Variants in TLE4 observed in about 807,000 individuals in gnomAD.
TLE4 encodes the protein TLE family member 4, transcriptional corepressor.
A neutral mutation model predicts 92.8 loss-of-function variants in TLE4; 8 were observed. The ratio of observed to expected loss-of-function variants is 0.09; its 90% CI spans 0.05 to 0.16. TLE4 has a LOEUF of 0.16. Ranked by LOEUF, TLE4 falls within the 10% of genes least tolerant of loss-of-function variation. The probability of loss-of-function intolerance (pLI) is 1.00; values close to 1 mark genes in which losing one functional copy is unlikely to be tolerated. For synonymous variants in TLE4, 371 were observed against 374.1 expected (o/e 0.99, Z 0.10); for missense variants, 675 against 997.6 (o/e 0.68, Z 4.36).
chr9:79,721,921 C>T lies in TLE4; in HGVS notation c.1986+33C>T, dbSNP rs114827254. The T allele has an allele frequency of 1.7e-3, 2,736 of 1,593,820 alleles. 55 individuals carry two copies. The African/African-American group carries it at 0.032, about 18-fold the overall frequency. On this transcript the variant is annotated intron_variant, in intron 17 of 19. Coordinates refer to ENST00000376552, the MANE Select transcript of TLE4 (RefSeq NM_007005.6). The stretch of plus-strand genomic sequence containing the variant: ...CCGTGGCTGAGGCATTTTAAAGATA[C>T]GGTTTTAGGCTGAGGTGGGCGGATC...
chr9:79,718,533 A>G (rs1005406899), intron 14 of TLE4, among the ~76,000 whole-genome samples, 189 bp from the exon 15 acceptor site: 7 of 152,206 alleles, frequency 4.6e-5, no homozygotes, highest in Admixed American at 2.0e-4. Flanking sequence ...TCAGCCTGAG[A>G]TCTGGCCCTG....
rs993392878 is a variant in TLE4, at chr9:79,726,297, G to A, written c.*1153G>A. The A allele has an allele frequency of 2.6e-5, 4 of 152,560 alleles. No homozygotes were observed. The highest frequency in any genetic ancestry group is 5.9e-5 in the Non-Finnish European group (4 of 68,022). The allele number at this position is 152,560 out of a possible 1,614,324, so 9.5% of individuals were successfully genotyped here. A position where few individuals can be genotyped will look rare whatever the true frequency, so the allele number is the denominator to read the frequency against. On this transcript the variant is annotated 3_prime_UTR_variant, in exon 20 of 20. Coordinates refer to ENST00000376552, the MANE Select transcript of TLE4 (RefSeq NM_007005.6). ...ACATTGTGTTATCTTTTATGTTGTTGTTGTTGCTGTTAAACTATAATATGT... is the reference window on the plus strand; with the variant it reads ...ACATTGTGTTATCTTTTATGTTGTTATTGTTGCTGTTAAACTATAATATGT...
At chr9:79,708,310 T>C in intron 12 of TLE4, 60 bp downstream of exon 12, 1 of 1,571,710 alleles carries the variant, frequency 6.4e-7, no homozygotes, top group African/African-American at 1.4e-5. Context: ...TTTAAAGCAA[T>C]TTAAGGAGTA....
intron 8 of TLE4, among the ~76,000 whole-genome samples, chr9:79,690,521 T>C (rs542398506): frequency 8.5e-5 from 13 of 152,318 alleles, no homozygotes; most frequent in African/African-American, 2.4e-4. Flanking sequence ...CCTTCTTTGA[T>C]AAACCTGGAG....
chr9:79,683,458 C>A (rs1346430515), intron 8 of TLE4, among the ~76,000 whole-genome samples: 1 of 152,090 alleles, frequency 6.6e-6, no homozygotes, highest in African/African-American at 2.4e-5. Flanking sequence ...TTACATGGTA[C>A]CTATGCCAAT....
chr9:79,677,821 G>T (rs1270162732), intron 8 of TLE4, among the ~76,000 whole-genome samples: 1 of 152,006 alleles, frequency 6.6e-6, no homozygotes, highest in African/African-American at 2.4e-5. Context: ...ATTTGTGGAT[G>T]CTCTTTTACT....
At chr9:79,701,428 T>G (rs1171432577) in intron 8 of TLE4, among the ~76,000 whole-genome samples, 2 of 152,242 alleles carry the variant, frequency 1.3e-5, no homozygotes, top group Non-Finnish European at 2.9e-5. Context: ...TAAATCTAAA[T>G]AGGCATTACC....
intron 8 of TLE4, among the ~76,000 whole-genome samples, chr9:79,683,324 A>G (rs985784387): frequency 1.3e-5 from 2 of 152,174 alleles, no homozygotes; most frequent in African/African-American, 4.8e-5. Context: ...ACCCTAAAAG[A>G]TGGTTTATGT....
chr9:79,696,590 G>A (rs925501956), intron 8 of TLE4, among the ~76,000 whole-genome samples: 2 of 151,908 alleles, frequency 1.3e-5, no homozygotes, highest in African/African-American at 4.8e-5. Context: ...ATGAGAATCT[G>A]TGGAGTTAAC....
At chr9:79,643,953 G>A (rs2057649821) in intron 6 of TLE4, among the ~76,000 whole-genome samples, 3 of 152,106 alleles carry the variant, frequency 2.0e-5, no homozygotes, top group Admixed American at 6.5e-5. Context: ...ATATGAAAAT[G>A]TGGGCTTCTG....
intron 6 of TLE4, among the ~76,000 whole-genome samples, chr9:79,646,913 A>C (rs1221071491): frequency 6.6e-6 from 1 of 152,194 alleles, no homozygotes; most frequent in Non-Finnish European, 1.5e-5. Context: ...GATAAACATG[A>C]ATTTATGGTA....
At chr9:79,617,840 A>G (rs1256130134) in intron 5 of TLE4, among the ~76,000 whole-genome samples, 2 of 151,906 alleles carry the variant, frequency 1.3e-5, no homozygotes, top group Admixed American at 1.3e-4. Context: ...CAAGGAAAAA[A>G]AAAAAAAAGC....
At chr9:79,610,818 A>G (rs2048195315) in intron 4 of TLE4, among the ~76,000 whole-genome samples, 1 of 152,058 alleles carries the variant, frequency 6.6e-6, no homozygotes, top group African/African-American at 2.4e-5. Flanking sequence ...CACCAGATGA[A>G]TAAGTTTCCT....
At chr9:79,683,375 A>C (rs2065139504) in intron 8 of TLE4, among the ~76,000 whole-genome samples, 2 of 152,188 alleles carry the variant, frequency 1.3e-5, no homozygotes, top group Non-Finnish European at 2.9e-5. Flanking sequence ...TCTTAGGTAG[A>C]ATTAAATTGA....
Position 79,652,483 on chromosome 9 carries a change from A to G in TLE4, c.391-110A>G, listed in dbSNP as rs1333542056. On this transcript the variant is annotated intron_variant, in intron 6 of 19. Transcript: ENST00000376552. ...ATTACAGGCGTGAGCCACCGTGCCC[A>G]GCCGGTGTTGGCTTTTTTACTGCCG... 16 of 1,244,760 alleles carry G rather than the reference A, an allele frequency of 1.3e-5. 1 individual carries two copies. The Admixed American group carries it at 2.1e-4, about 16-fold the overall frequency. 77.1% of individuals were successfully genotyped at this position (1,244,760 alleles called of 1,614,324 possible).
chr9:79,586,818 T>A (rs981748385), intron 4 of TLE4, among the ~76,000 whole-genome samples: 3 of 152,224 alleles, frequency 2.0e-5, no homozygotes, highest in African/African-American at 7.2e-5. Flanking sequence ...TTTTTATTTT[T>A]AATTTTTAAG....
chr9:79,576,451 C>G (rs905167027), intron 4 of TLE4: 7 of 247,538 alleles, frequency 2.8e-5, no homozygotes, highest in Non-Finnish European at 5.3e-5. Context: ...ATTTTAAAAT[C>G]CTCTTGTTAT....
intron 8 of TLE4, among the ~76,000 whole-genome samples, chr9:79,661,818 C>T (rs1265065151): frequency 6.6e-6 from 1 of 152,136 alleles, no homozygotes; most frequent in Non-Finnish European, 1.5e-5. Context: ...ATAAATTTTA[C>T]TGCTTAAAAA....
chr9:79,590,226 C>G (rs999840098), intron 4 of TLE4, among the ~76,000 whole-genome samples: 1 of 152,152 alleles, frequency 6.6e-6, no homozygotes, highest in African/African-American at 2.4e-5. Context: ...TCTGTAGCTG[C>G]TTGTTTGCTT....
Sources: gnomAD v4.1 joint callset for allele counts (sites outside exome capture counted in the v4.1 genomes callset) on GRCh38, gnomAD v4.1.1 for gene constraint, MANE v1.5 for transcripts, NCBI Gene and HGNC (gene_info 2026-07-23, HGNC 2026-07-21) for gene names.